RCAN2: variants seen among roughly 807,000 people sequenced by gnomAD.
RCAN2 encodes the protein calcipressin-2.
In RCAN2, 9 loss-of-function variants were observed where a neutral mutation model predicts 23.6. The ratio of observed to expected loss-of-function variants is 0.38; its 90% CI spans 0.23 to 0.67. The LOEUF (loss-of-function observed/expected upper bound fraction) is 0.67. Ranked by LOEUF, RCAN2 falls within the 30% of genes least tolerant of loss-of-function variation. The pLI is 0.51. For synonymous variants in RCAN2, 109 were observed against 115.7 expected, an observed-to-expected ratio of 0.94 and a Z score of 0.37; for missense variants, 273 against 302.3, an observed-to-expected ratio of 0.90 and a Z score of 0.72.
At chr6:46,300,794 A>G (rs1239814391) in intron 2 of RCAN2, among the ~76,000 whole-genome samples, 3 of 152,048 alleles carry the variant, frequency 2.0e-5, no homozygotes, top group Non-Finnish European at 2.9e-5. Flanking sequence ...TTAAATGATC[A>G]CATTCTAAAG....
intron 2 of RCAN2, among the ~76,000 whole-genome samples, chr6:46,356,361 G>A (rs920231211): frequency 6.6e-6 from 1 of 152,112 alleles, no homozygotes; most frequent in Admixed American, 6.6e-5. Context: ...CCTCCCTCAA[G>A]CCCAGTGAAA....
chr6:46,443,337 T>A (rs982834328), intron 2 of RCAN2, among the ~76,000 whole-genome samples: 8 of 152,200 alleles, frequency 5.3e-5, no homozygotes, highest in Non-Finnish European at 1.2e-4. Flanking sequence ...TGAATTATTA[T>A]CTTCATATTT....
chr6:46,228,937 C>T (rs986450710), intron 4 of RCAN2, among the ~76,000 whole-genome samples: 1 of 152,122 alleles, frequency 6.6e-6, no homozygotes, highest in Non-Finnish European at 1.5e-5. Flanking sequence ...TTAGTGCTTC[C>T]TTCAGGAGCT....
At chr6:46,408,445 G>C (rs1429629812) in intron 2 of RCAN2, among the ~76,000 whole-genome samples, 2 of 152,182 alleles carry the variant, frequency 1.3e-5, no homozygotes, top group Non-Finnish European at 2.9e-5. Context: ...TATTGCAAAA[G>C]AAGAGCTGGA....
At chr6:46,356,266 G>A (rs1377424810) in intron 2 of RCAN2, among the ~76,000 whole-genome samples, 3 of 152,138 alleles carry the variant, frequency 2.0e-5, no homozygotes, top group African/African-American at 4.8e-5. Flanking sequence ...GGCTTGATTC[G>A]AATTCCTTCT....
rs181112848 is a variant in RCAN2 at position 46,402,193 on chromosome 6, G to A, written c.225+54559C>T. Reference sequence around the variant, plus strand: ...AAGAGCTGGATTCAGTTTACCAACCGGCATGGAGTCACTGGGCACTTATTA... The same window carrying A: ...AAGAGCTGGATTCAGTTTACCAACCAGCATGGAGTCACTGGGCACTTATTA... On this transcript the variant is annotated intron_variant, in intron 2 of 4. Coordinates refer to ENST00000371374, the MANE Select transcript of RCAN2 (RefSeq NM_001251974.2). Among the ~76,000 whole-genome samples, 136 of 152,290 alleles carry A rather than the reference G, an allele frequency of 8.9e-4. 1 individual carries two copies. Among genetic ancestry groups the A allele is most frequent in the African/African-American group, 2.6e-3 (108 of 41,562 alleles).
At chr6:46,357,936 G>A (rs1438309686) in intron 2 of RCAN2, among the ~76,000 whole-genome samples, 1 of 152,206 alleles carries the variant, frequency 6.6e-6, no homozygotes, top group African/African-American at 2.4e-5. Flanking sequence ...GCTTCCAGAC[G>A]AGGTATTATC....
chr6:46,423,837 C>T (rs375131096), intron 2 of RCAN2, among the ~76,000 whole-genome samples: 7 of 152,216 alleles, frequency 4.6e-5, no homozygotes, highest in Non-Finnish European at 5.9e-5. Context: ...CCACATACCA[C>T]GGTCCAGGTA....
chr6:46,331,046 T>G (rs1425295285), intron 2 of RCAN2, among the ~76,000 whole-genome samples: 1 of 152,206 alleles, frequency 6.6e-6, no homozygotes, highest in African/African-American at 2.4e-5. Flanking sequence ...TTATTAGGAT[T>G]TACACAATGA....
intron 1 of RCAN2, among the ~76,000 whole-genome samples, chr6:46,476,710 T>G (rs1393255950): frequency 6.8e-6 from 1 of 146,572 alleles, no homozygotes; most frequent in Non-Finnish European, 1.5e-5. Flanking sequence ...TTTTGTCTTT[T>G]GTTCTAGGTT....
chr6:46,319,134 C>T (rs1050815235), intron 2 of RCAN2, among the ~76,000 whole-genome samples: 4 of 152,176 alleles, frequency 2.6e-5, no homozygotes, highest in Non-Finnish European at 5.9e-5. Context: ...AGTTTATGAT[C>T]TCCTTGCAAA....
At chr6:46,243,582 G>T (rs141355076) in intron 4 of RCAN2, among the ~76,000 whole-genome samples, 1 of 152,098 alleles carries the variant, frequency 6.6e-6, no homozygotes, top group African/African-American at 2.4e-5. Flanking sequence ...AGACTGAGGC[G>T]GGTGGATCAC....
intron 2 of RCAN2, among the ~76,000 whole-genome samples, chr6:46,353,619 C>T (rs966987828): frequency 9.2e-5 from 14 of 152,210 alleles, no homozygotes; most frequent in Admixed American, 2.0e-4. Context: ...CAGTTAATAC[C>T]GGAGAGTAGA....
chr6:46,420,710 CT>C (rs929870526), intron 2 of RCAN2, among the ~76,000 whole-genome samples: 1 of 151,446 alleles, frequency 6.6e-6, no homozygotes, highest in African/African-American at 2.4e-5. Flanking sequence ...GGCCCGGCTA[CT>C]TTTTTTTGTA....
intron 2 of RCAN2, among the ~76,000 whole-genome samples, chr6:46,252,475 C>A (rs185633020): frequency 2.6e-5 from 4 of 152,252 alleles, no homozygotes; most frequent in Admixed American, 2.6e-4. Flanking sequence ...GGTTTCAGGA[C>A]CTCTTTACAC....
chr6:46,229,923 T>C (rs922870006), intron 4 of RCAN2, among the ~76,000 whole-genome samples: 2 of 152,210 alleles, frequency 1.3e-5, no homozygotes, highest in African/African-American at 4.8e-5. Flanking sequence ...CTACCTTTGG[T>C]CTTTGATGAT....
chr6:46,451,582 C>A, intron 2 of RCAN2, among the ~76,000 whole-genome samples: 1 of 152,146 alleles, frequency 6.6e-6, no homozygotes, highest in East Asian at 1.9e-4. Flanking sequence ...GTGAGGGGAA[C>A]TCAGTAAAAA....
chr6:46,325,337 T>C (rs878876891), intron 2 of RCAN2: 1 of 1,598,278 alleles, frequency 6.3e-7, no homozygotes, highest in African/African-American at 1.3e-5. Flanking sequence ...CTAAAAAGGC[T>C]CTGCCAAGCA....
intron 2 of RCAN2, among the ~76,000 whole-genome samples, chr6:46,413,852 C>T (rs1011995032): frequency 6.6e-6 from 1 of 152,162 alleles, no homozygotes; most frequent in African/African-American, 2.4e-5. Flanking sequence ...GAAGTGCTAC[C>T]TAATATCGTC....
Sources: gnomAD v4.1 joint callset for allele counts (sites outside exome capture counted in the v4.1 genomes callset) on GRCh38, gnomAD v4.1.1 for gene constraint, MANE v1.5 for transcripts, NCBI Gene and HGNC (gene_info 2026-07-23, HGNC 2026-07-21) for gene names.